Variants in CEP55 observed in about 807,000 individuals in gnomAD.
CEP55 encodes centrosomal protein of 55 kDa.
A neutral mutation model predicts 63.2 loss-of-function variants in CEP55; 57 were observed. That is an observed-to-expected ratio of 0.90 (90% confidence interval 0.73 to 1.13). The LOEUF is 1.13. Among genes scored for constraint, CEP55 ranks in the 50% most tolerant of loss-of-function variants. The probability of loss-of-function intolerance (pLI) is 0.00; values close to 1 mark genes in which losing one functional copy is unlikely to be tolerated. For synonymous variants in CEP55, 178 were observed against 191.6 expected (o/e 0.93, Z 0.59); for missense variants, 456 against 518.9 (o/e 0.88, Z 1.18).
rs1266909831 is a variant in CEP55, at chr10:93,501,667, C to CA, written c.184-1436dup. On this transcript the variant is annotated intron_variant, in intron 2 of 8. Transcript: ENST00000371485. ...GGGTGACAGAGCAAGACTTCTGTCT[C>CA]AAAAAAAAAATAAATAAATAAAATA... Among the ~76,000 whole-genome samples, 708 of 143,980 alleles carry CA rather than the reference C, an allele frequency of 4.9e-3. 2 individuals are homozygous for CA. The highest frequency in any genetic ancestry group is 0.017 in the African/African-American group (670 of 39,110). The allele number at this position is 143,980 out of a possible 152,430, so 94.5% of individuals were successfully genotyped here. A position where few individuals can be genotyped will look rare whatever the true frequency, so the allele number is the denominator to read the frequency against.
intron 6 of CEP55, among the ~76,000 whole-genome samples, chr10:93,517,884 G>C (rs1347552363): frequency 6.6e-6 from 1 of 152,172 alleles, no homozygotes; most frequent in Non-Finnish European, 1.5e-5. Context: ...TCTAGTCCAG[G>C]ATATATGGCC....
chr10:93,525,229 A>G (rs1324899738), intron 8 of CEP55, among the ~76,000 whole-genome samples: 2 of 152,218 alleles, frequency 1.3e-5, no homozygotes, highest in African/African-American at 4.8e-5. Context: ...GCTGATAAGC[A>G]ACTTCAGCAA....
chr10:93,506,532 G>A (rs1048690875), intron 3 of CEP55, among the ~76,000 whole-genome samples: 13 of 152,158 alleles, frequency 8.5e-5, no homozygotes, highest in Non-Finnish European at 1.5e-4. Flanking sequence ...ACTCTCACCT[G>A]GCTTGATGGT....
chr10:93,518,948 G>A lies in CEP55; in HGVS notation c.1065G>A (p.Gln355=), dbSNP rs781127762. 3.1e-6 allele frequency: 5 copies of A among 1,611,790 alleles called. No homozygotes were observed. The Admixed American group carries it at 8.3e-5, about 27-fold the overall frequency. The change falls in exon 7 of 9, where the codon CAG becomes CAA. Residue 355 remains glutamine, a splice_region_variant and synonymous_variant. Coordinates refer to ENST00000371485, the MANE Select transcript of CEP55 (RefSeq NM_018131.5). The part of the protein sequence containing the change: ...EQTRVALLEQ[Q]MQACTLDFEN... ...CAAGGGTAGCTCTGTTGGAACAACA[G>A]GTACTCATTCGGGTTGCTTCTAAAT... is the stretch of plus-strand genomic sequence containing the variant.
chr10:93,515,413 GA>G lies in CEP55; in HGVS notation c.542del (p.Asn181IlefsTer15). On this transcript the variant is annotated frameshift_variant, in exon 5 of 9. Transcript: ENST00000371485. LOFTEE classifies it high-confidence loss of function. ...MEIQLKDALE[K>X]NQQWLVYDQQ... Reference sequence around the variant, plus strand: ...TTCATCTTCCCATTAAGGCTCTGGAGAAAAATCAGCAGTGGCTCGTGTATGA... The same window carrying G: ...TTCATCTTCCCATTAAGGCTCTGGAGAAAATCAGCAGTGGCTCGTGTATGA... 6.3e-7 allele frequency: 1 copy of G among 1,588,716 alleles called. No individual in the cohort carries two copies. Among genetic ancestry groups the G allele is most frequent in the South Asian group, 1.1e-5 (1 of 89,636 alleles).
At chr10:93,514,331 C>T (rs2057781448) in intron 4 of CEP55, among the ~76,000 whole-genome samples, 1 of 152,178 alleles carries the variant, frequency 6.6e-6, no homozygotes, top group Non-Finnish European at 1.5e-5. Flanking sequence ...AACCCCTATA[C>T]AAACAGGTGA....
chr10:93,506,636 C>T (rs917777573), intron 3 of CEP55, among the ~76,000 whole-genome samples: 6 of 151,938 alleles, frequency 3.9e-5, no homozygotes, highest in Admixed American at 2.0e-4. Context: ...GGCGCAATCT[C>T]GGCTCACTGC....
Position 93,519,871 on chromosome 10 carries a change from C to T in CEP55, c.1191+64C>T, listed in dbSNP as rs371383702. ...TTCCATTTATATACCAAATCAGTTC[C>T]GAACTTAGGAGGATACAGCTTAACA... is the stretch of plus-strand genomic sequence containing the variant. On this transcript the variant is annotated intron_variant, in intron 8 of 8. Transcript: ENST00000371485. The T allele has an allele frequency of 6.7e-5, 106 of 1,572,024 alleles. No individual in the cohort carries two copies. The African/African-American group carries it at 7.6e-4, about 11-fold the overall frequency.
At chr10:93,515,591 G>T in intron 5 of CEP55, 36 bp downstream of exon 5, 1 of 1,504,634 alleles carries the variant, frequency 6.6e-7, no homozygotes, top group Non-Finnish European at 9.0e-7. Context: ...CTAGGGATAG[G>T]CCTGACATTT....
intron 3 of CEP55, among the ~76,000 whole-genome samples, chr10:93,506,771 G>A (rs1279986177): frequency 1.3e-5 from 2 of 151,736 alleles, no homozygotes; most frequent in East Asian, 1.9e-4. Context: ...ATGGGTTTTC[G>A]CCATGTTGGC....
At chr10:93,507,651 G>A (rs932390895) in intron 4 of CEP55, among the ~76,000 whole-genome samples, 1 of 151,804 alleles carries the variant, frequency 6.6e-6, no homozygotes, top group East Asian at 1.9e-4. Flanking sequence ...TGTTTTTTCA[G>A]TATTTTTCTC....
At chr10:93,516,680 C>A (rs1035639065) in intron 5 of CEP55, among the ~76,000 whole-genome samples, 1 of 152,270 alleles carries the variant, frequency 6.6e-6, no homozygotes, top group South Asian at 2.1e-4. Flanking sequence ...GTTGATTGAA[C>A]TTCTTGAGAC....
chr10:93,525,426 A>G (rs1221538742), intron 8 of CEP55, among the ~76,000 whole-genome samples: 1 of 152,142 alleles, frequency 6.6e-6, no homozygotes. Context: ...ACTGCTCAAC[A>G]AAATAAAAGA....
intron 3 of CEP55, among the ~76,000 whole-genome samples, chr10:93,504,044 A>G (rs959743445): frequency 3.3e-5 from 5 of 152,104 alleles, no homozygotes; most frequent in African/African-American, 1.2e-4. Flanking sequence ...AGGAATAGTG[A>G]GAATTAAATG....
At chr10:93,497,258 A>G (rs1381312209) in intron 1 of CEP55, among the ~76,000 whole-genome samples, 1 of 151,802 alleles carries the variant, frequency 6.6e-6, no homozygotes, top group African/African-American at 2.4e-5. Flanking sequence ...TCAACCAATC[A>G]TTTCTTTTCT....
chr10:93,503,846 A>G lies in CEP55; in HGVS notation c.459+458A>G, dbSNP rs79101765. 6.2e-3 allele frequency among the ~76,000 whole-genome samples: 950 copies of G among 152,326 alleles called. 4 individuals are homozygous for G. Among genetic ancestry groups the G allele is most frequent in the Non-Finnish European group, 9.7e-3 (660 of 68,024 alleles). ...TCATAGAAAGAACAAGGATACAGAA[A>G]TAGACATGTGAGTTCAGATCTTGGT... On this transcript the variant is annotated intron_variant, in intron 3 of 8. Transcript: ENST00000371485.
rs180811104 is a variant in CEP55, at chr10:93,498,749, G to T, written c.-12-1291G>T. ...TTTGAGGATTCATGAACCCTTGTTTGTTTCCTTGTTATTGCCTGCCTTTAC... is the reference window on the plus strand; with the variant it reads ...TTTGAGGATTCATGAACCCTTGTTTTTTTCCTTGTTATTGCCTGCCTTTAC... On this transcript the variant is annotated intron_variant, in intron 1 of 8. Transcript: ENST00000371485. Among the ~76,000 whole-genome samples the T allele has an allele frequency of 5.3e-3, 793 of 148,558 alleles. 3 individuals carry two copies. Among genetic ancestry groups the T allele is most frequent in the Admixed American group, 8.4e-3 (125 of 14,942 alleles).
Position 93,503,227 on chromosome 10 carries a change from T to C in CEP55, c.298T>C (p.Leu100=), listed in dbSNP as rs201619428. The change falls in exon 3 of 9, where the codon TTG becomes CTG. Residue 100 remains leucine, a synonymous_variant. Transcript: ENST00000371485. ...GAAGGCCAGATATAGTACTACCACA[T>C]TGCTTGAACAGCTGGAAGAGACAAC... ...QLKARYSTTT[L]LEQLEETTRE... 1 of 1,614,002 alleles carries C rather than the reference T, an allele frequency of 6.2e-7. No homozygotes were observed. Among genetic ancestry groups the C allele is most frequent in the East Asian group, 2.2e-5 (1 of 44,870 alleles).
intron 6 of CEP55, 49 bp downstream of exon 6, chr10:93,517,297 A>G (rs1258624456): frequency 2.0e-6 from 3 of 1,465,108 alleles, no homozygotes; most frequent in South Asian, 2.7e-5. Context: ...AACACTTTCT[A>G]AGTGTCAGGG....
Sources: gnomAD v4.1 joint callset for allele counts (sites outside exome capture counted in the v4.1 genomes callset) on GRCh38, gnomAD v4.1.1 for gene constraint, MANE v1.5 for transcripts, NCBI Gene and HGNC (gene_info 2026-07-23, HGNC 2026-07-21) for gene names.